The following PPIP5K2 variants were observed in gnomAD, a reference collection of about 807,000 sequenced individuals.
PPIP5K2 encodes the protein diphosphoinositol pentakisphosphate kinase 2, also known as inositol hexakisphosphate and diphosphoinositol-pentakisphosphate kinase 2.
PPIP5K2 carries 105 observed loss-of-function variants against 154.6 expected under a neutral mutation model. That is an observed-to-expected ratio of 0.68 (90% confidence interval 0.58 to 0.80). The LOEUF (loss-of-function observed/expected upper bound fraction) is 0.80, where lower values mean the gene tolerates loss of function less well. Ranked by LOEUF, PPIP5K2 falls within the 30% of genes least tolerant of loss-of-function variation. The pLI, the probability that PPIP5K2 is intolerant of heterozygous loss-of-function variation, is 0.00. For synonymous variants in PPIP5K2, 480 were observed against 490.3 expected (o/e 0.98, Z 0.28); for missense variants, 992 against 1,504.6 (o/e 0.66, Z 5.64).
In PPIP5K2 at chr5:103,201,572, A is replaced by G. The variant is rs781832860; in HGVS notation, c.3670A>G (p.Lys1224Glu). Reference sequence around the variant, plus strand: ...TGTTCCTAATACCTCATCTCGGAAAAAGAATATAACTAGCAAAACAGAAAC... The same window carrying G: ...TGTTCCTAATACCTCATCTCGGAAAGAGAATATAACTAGCAAAACAGAAAC... Reference protein sequence around the residue: ...AVVPNTSSRKKNITSKTETHE... With the variant: ...AVVPNTSSRKENITSKTETHE... Residue 1224 changes from lysine (K) to glutamate (E), a missense_variant, in exon 31 of 31, where the codon AAG (lysine) becomes GAG (glutamate). By Grantham distance (56) the Lys-to-Glu change is moderately conservative. Coordinates refer to ENST00000358359, the MANE Select transcript of PPIP5K2 (RefSeq NM_001276277.3). 1.4e-5 allele frequency: 23 copies of G among 1,611,300 alleles called. No individual in the cohort carries two copies. Among genetic ancestry groups the G allele is most frequent in the Admixed American group, 1.7e-5 (1 of 59,492 alleles).
chr5:103,167,045 A>G (rs1489540838), intron 17 of PPIP5K2, 134 bp from the exon 18 acceptor site: 3 of 620,346 alleles, frequency 4.8e-6, no homozygotes, highest in African/African-American at 3.8e-5. Context: ...TCAAGGGTCA[A>G]CTGTATTTTG....
intron 23 of PPIP5K2, among the ~76,000 whole-genome samples, chr5:103,178,181 T>C (rs1392753668): frequency 6.6e-6 from 1 of 152,030 alleles, no homozygotes; most frequent in Non-Finnish European, 1.5e-5. Context: ...TATCTTTTGT[T>C]TAGATTGTTT....
intron 1 of PPIP5K2, among the ~76,000 whole-genome samples, chr5:103,123,703 T>C (rs1290177099): frequency 2.0e-5 from 3 of 152,224 alleles, no homozygotes; most frequent in African/African-American, 7.2e-5. Context: ...CTTGTGTTTT[T>C]ACAAGTCTAC....
chr5:103,211,591 A>C lies in PPIP5K2; in HGVS notation c.*9957A>C, dbSNP rs1457050887. On this transcript the variant is annotated 3_prime_UTR_variant, in exon 31 of 31. Coordinates refer to ENST00000358359, the MANE Select transcript of PPIP5K2 (RefSeq NM_001276277.3). ...TAAACACACAGGTAGCCCCTTCTAA[A>C]ATGCAAATGCCCTTTGAAGGCCAGC... 6.6e-6 allele frequency: 1 copy of C among 152,108 alleles called. No individual in the cohort carries two copies. Among genetic ancestry groups the C allele is most frequent in the Non-Finnish European group, 1.5e-5 (1 of 67,968 alleles). 9.4% of individuals were successfully genotyped at this position (152,108 alleles called of 1,614,324 possible).
At chr5:103,165,045 T>C (rs1377334652) in intron 17 of PPIP5K2, among the ~76,000 whole-genome samples, 6 of 152,068 alleles carry the variant, frequency 3.9e-5, no homozygotes, top group African/African-American at 1.4e-4. Flanking sequence ...TGGGAAAAGA[T>C]AATAATAGAT....
intron 17 of PPIP5K2, among the ~76,000 whole-genome samples, chr5:103,161,967 A>G (rs1371335043): frequency 2.6e-5 from 4 of 151,776 alleles, no homozygotes; most frequent in African/African-American, 9.7e-5. Flanking sequence ...ATTAGATCCC[A>G]TTTGTCAATT....
intron 28 of PPIP5K2, among the ~76,000 whole-genome samples, chr5:103,189,833 C>G (rs374363080): frequency 6.6e-6 from 1 of 151,934 alleles, no homozygotes; most frequent in Non-Finnish European, 1.5e-5. Context: ...GAGCACACGC[C>G]TATTGAAGCA....
At position 103,211,472 on chromosome 5, in the gene PPIP5K2, A is replaced by T. The variant is rs1361790611; in HGVS notation, c.*9838A>T. 6.6e-6 allele frequency: 1 copy of T among 151,696 alleles called. No individual in the cohort carries two copies. Among genetic ancestry groups the T allele is most frequent in the African/African-American group, 2.4e-5 (1 of 41,276 alleles). 9.4% of individuals were successfully genotyped at this position (151,696 alleles called of 1,614,324 possible). ...TTGGGAGGAATTTATCTGCTCAAAA[A>T]CTCTCACCTACTTACTAGATATAGT... On this transcript the variant is annotated 3_prime_UTR_variant, in exon 31 of 31. Transcript: ENST00000358359.
At chr5:103,138,029 A>G (rs1791856466) in intron 4 of PPIP5K2, among the ~76,000 whole-genome samples, 1 of 152,168 alleles carries the variant, frequency 6.6e-6, no homozygotes, top group Admixed American at 6.5e-5. Context: ...CATGTCATTA[A>G]ATACTATTTA....
At chr5:103,158,709 C>A (rs1364688213) in intron 16 of PPIP5K2, 136 bp downstream of exon 16, 4 of 658,132 alleles carry the variant, frequency 6.1e-6, no homozygotes, top group Non-Finnish European at 9.5e-6. Context: ...ATCACTAGAG[C>A]CCAGGAGTTT....
At position 103,125,892 on chromosome 5, in the gene PPIP5K2, C is replaced by T. The variant is rs71586365; in HGVS notation, c.-284-3414C>T. Among the ~76,000 whole-genome samples the T allele has an allele frequency of 1.7e-3, 259 of 152,338 alleles. 1 individual carries two copies. Among genetic ancestry groups the T allele is most frequent in the South Asian group, 0.013 (65 of 4,826 alleles). On this transcript the variant is annotated intron_variant, in intron 1 of 30. Coordinates refer to ENST00000358359, the MANE Select transcript of PPIP5K2 (RefSeq NM_001276277.3). ...AAGTGATCCGCCTGCCTCAGCTTCC[C>T]TAAATGCAGTGCAATCACATTTAAC...
At chr5:103,153,128 T>C (rs1794891447) in intron 10 of PPIP5K2, among the ~76,000 whole-genome samples, 1 of 151,930 alleles carries the variant, frequency 6.6e-6, no homozygotes, top group African/African-American at 2.4e-5. Flanking sequence ...TTCCTTTAAA[T>C]TCATGTCAGT....
At position 103,208,615 on chromosome 5, in the gene PPIP5K2, C is replaced by G. The variant is rs1459226310; in HGVS notation, c.*6981C>G. 1.3e-5 allele frequency: 2 copies of G among 152,344 alleles called. No individual in the cohort carries two copies. The highest frequency in any genetic ancestry group is 2.9e-5 in the Non-Finnish European group (2 of 68,196). The allele number at this position is 152,344 out of a possible 1,614,324, so 9.4% of individuals were successfully genotyped here. ...CATGTATTTTCTTCTTCAGCTTTGC[C>G]CCTCCTGCCACTGTACCAGACAATA... On this transcript the variant is annotated 3_prime_UTR_variant, in exon 31 of 31. Coordinates refer to ENST00000358359, the MANE Select transcript of PPIP5K2 (RefSeq NM_001276277.3).
intron 5 of PPIP5K2, among the ~76,000 whole-genome samples, chr5:103,142,269 T>C (rs2149514171): frequency 6.6e-6 from 1 of 152,304 alleles, no homozygotes; most frequent in East Asian, 1.9e-4. Flanking sequence ...CCGCAGCCAC[T>C]GGCCCGGGTG....
At chr5:103,147,834 G>A in intron 6 of PPIP5K2, 97 bp from the exon 7 acceptor site, 1 of 725,628 alleles carries the variant, frequency 1.4e-6, no homozygotes, top group Non-Finnish European at 2.3e-6. Flanking sequence ...AAATGTCTAA[G>A]ATGGAAATAG....
chr5:103,176,259 G>A (rs1554220915), intron 21 of PPIP5K2, among the ~76,000 whole-genome samples: 2 of 151,924 alleles, frequency 1.3e-5, no homozygotes, highest in African/African-American at 4.8e-5. Context: ...GCAACACTGA[G>A]TTAGATATTA....
intron 24 of PPIP5K2, among the ~76,000 whole-genome samples, chr5:103,181,672 A>G (rs1313949699): frequency 6.6e-6 from 1 of 152,164 alleles, no homozygotes; most frequent in Non-Finnish European, 1.5e-5. Flanking sequence ...CTTTTAGAAT[A>G]AAGCATTATT....
At chr5:103,139,291 G>A (rs145918714) in intron 5 of PPIP5K2, among the ~76,000 whole-genome samples, 1,575 of 152,184 alleles carry the variant, frequency 0.01, 9 homozygotes, top group Non-Finnish European at 0.014. Flanking sequence ...CTAGGGGGGA[G>A]GCAGAACAAG....
intron 8 of PPIP5K2, among the ~76,000 whole-genome samples, chr5:103,150,023 A>G (rs1202134202): frequency 6.6e-6 from 1 of 152,034 alleles, no homozygotes; most frequent in Non-Finnish European, 1.5e-5. Flanking sequence ...AAACTTTTTT[A>G]CTTCTGACAT....
Sources: allele counts gnomAD v4.1 joint callset (sites outside exome capture counted in the v4.1 genomes callset), GRCh38; gene constraint gnomAD v4.1.1; transcripts MANE v1.5; gene names NCBI Gene and HGNC (gene_info 2026-07-23, HGNC 2026-07-21).